Variants in RBFOX1 observed in about 807,000 individuals in gnomAD.
RBFOX1 encodes RNA binding protein fox-1 homolog 1.
Under a neutral mutation model 57.7 loss-of-function variants are expected in RBFOX1, and 8 were observed. That is an observed-to-expected ratio of 0.14 (90% CI 0.08 to 0.25). The LOEUF is 0.25. RBFOX1 is among the 10% of genes least tolerant of loss of function. The probability of loss-of-function intolerance (pLI) is 1.00; values close to 1 mark genes in which losing one functional copy is unlikely to be tolerated. For missense variants in RBFOX1, 611 were observed against 548.5 expected, an observed-to-expected ratio of 1.11 and a Z score of -1.14; for synonymous variants, 326 against 222.4, an observed-to-expected ratio of 1.47 and a Z score of -4.15.
chr16:6,840,732 C>T (rs553256213), intron 3 of RBFOX1, among the ~76,000 whole-genome samples: 1 of 151,620 alleles, frequency 6.6e-6, no homozygotes, highest in South Asian at 2.1e-4. Flanking sequence ...ACTACAAATA[C>T]AAAAATTAGA....
chr16:6,918,313 G>A lies in RBFOX1; in HGVS notation c.-15-133744G>A, dbSNP rs866841300. On this transcript the variant is annotated intron_variant, in intron 3 of 15. Coordinates refer to ENST00000550418, the MANE Select transcript of RBFOX1 (RefSeq NM_018723.4). ...AAAAAAAAAGGAAACACACATTTGG[G>A]GACTCCACCCCAGGCCTACCGAATC... is the stretch of plus-strand genomic sequence containing the variant. Among the ~76,000 whole-genome samples the A allele has an allele frequency of 1.0e-3, 155 of 151,822 alleles. 1 individual carries two copies. Among genetic ancestry groups the A allele is most frequent in the Admixed American group, 7.9e-4 (12 of 15,232 alleles).
At chr16:7,555,224 C>T (rs1393083835) in intron 5 of RBFOX1, among the ~76,000 whole-genome samples, 1 of 152,116 alleles carries the variant, frequency 6.6e-6, no homozygotes, top group Non-Finnish European at 1.5e-5. Context: ...TCACTTTTCT[C>T]CTTTGTTAAA....
chr16:6,410,455 G>C (rs1382193554), intron 2 of RBFOX1, among the ~76,000 whole-genome samples: 7 of 151,822 alleles, frequency 4.6e-5, no homozygotes, highest in African/African-American at 1.7e-4. Context: ...GGGACTACAG[G>C]CGCCTGCCAC....
At chr16:6,995,011 G>A (rs1209468483) in intron 3 of RBFOX1, among the ~76,000 whole-genome samples, 2 of 150,782 alleles carry the variant, frequency 1.3e-5, no homozygotes, top group Non-Finnish European at 3.0e-5. Context: ...GCATACGTGT[G>A]TATATGGATA....
rs543124800 is a variant in RBFOX1, at chr16:7,056,003, C to G, written c.27+3905C>G. ...TCTTCCATCCTAACCTATATCCTAA[C>G]TTTTCTACCCATCTTGGCATTGTCT... On this transcript the variant is annotated intron_variant, in intron 4 of 15. Transcript: ENST00000550418. Among the ~76,000 whole-genome samples, 9 of 152,308 alleles carry G rather than the reference C, an allele frequency of 5.9e-5. No individual in the cohort carries two copies. In the South Asian group the frequency reaches 1.9e-3, roughly 32 times the overall value.
intron 1 of RBFOX1, among the ~76,000 whole-genome samples, chr16:6,281,713 T>C (rs970269768): frequency 6.6e-6 from 1 of 152,150 alleles, no homozygotes; most frequent in African/African-American, 2.4e-5. Context: ...ACATTAACAG[T>C]TGAATTTTCA....
intron 2 of RBFOX1, among the ~76,000 whole-genome samples, chr16:6,548,027 G>C (rs1415673643): frequency 1.3e-5 from 2 of 152,104 alleles, no homozygotes; most frequent in African/African-American, 4.8e-5. Flanking sequence ...TTTTCTTATT[G>C]ACAAGCTCAG....
intron 1 of RBFOX1, among the ~76,000 whole-genome samples, chr16:5,261,768 T>G (rs1247418192): frequency 6.6e-6 from 1 of 152,116 alleles, no homozygotes; most frequent in Non-Finnish European, 1.5e-5. Flanking sequence ...GCCAGGATGG[T>G]CTCGATCTCC....
chr16:6,998,445 G>C (rs1471605967), intron 3 of RBFOX1, among the ~76,000 whole-genome samples: 18 of 152,134 alleles, frequency 1.2e-4, no homozygotes, highest in Admixed American at 1.2e-3. Flanking sequence ...TGGGGATGGG[G>C]GCAGTTGTGT....
chr16:7,623,671 G>A (rs1222602079), intron 10 of RBFOX1, among the ~76,000 whole-genome samples: 2 of 152,136 alleles, frequency 1.3e-5, no homozygotes, highest in African/African-American at 4.8e-5. Flanking sequence ...AGGGTCCGTG[G>A]CCCAGGGGTT....
intron 3 of RBFOX1, among the ~76,000 whole-genome samples, chr16:5,754,393 G>A (rs2053324875): frequency 6.6e-6 from 1 of 152,062 alleles, no homozygotes. Context: ...ATTGATGTGG[G>A]GGTGGGTTGC....
At chr16:6,498,007 G>A (rs2095818879) in intron 2 of RBFOX1, among the ~76,000 whole-genome samples, 1 of 152,064 alleles carries the variant, frequency 6.6e-6, no homozygotes, top group African/African-American at 2.4e-5. Context: ...CCAACACTTT[G>A]GGAGGCTGAG....
At chr16:7,113,782 T>C (rs1412763417) in intron 4 of RBFOX1, among the ~76,000 whole-genome samples, 1 of 152,156 alleles carries the variant, frequency 6.6e-6, no homozygotes, top group African/African-American at 2.4e-5. Context: ...TGCTCCCTTA[T>C]TGATGATGGG....
chr16:7,037,472 A>T (rs13329707), intron 3 of RBFOX1, among the ~76,000 whole-genome samples: 2 of 151,872 alleles, frequency 1.3e-5, no homozygotes, highest in Non-Finnish European at 2.9e-5. Context: ...ACCTCTGACA[A>T]TTGTGATGCT....
chr16:5,692,165 CTGTGTGTGTGTGTGTG>C (rs199585814), intron 3 of RBFOX1, among the ~76,000 whole-genome samples: 347 of 22,922 alleles, frequency 0.015, 2 homozygotes, highest in African/African-American at 0.018. Flanking sequence ...TAGGGACTGA[CTGTGTGTGTGTGTGTG>C]TGTGTGTGTG....
intron 3 of RBFOX1, among the ~76,000 whole-genome samples, chr16:6,878,381 G>T (rs180840071): frequency 2.6e-5 from 4 of 152,244 alleles, no homozygotes; most frequent in Admixed American, 2.6e-4. Flanking sequence ...TCTCTGATAT[G>T]GTGGCTAGAA....
Position 6,005,623 on chromosome 16 carries a change from C to A in RBFOX1, c.351+138288C>A, listed in dbSNP as rs538544110. On this transcript the variant is annotated intron_variant, in intron 4 of 19. Coordinates refer to the RBFOX1 transcript ENST00000641259. ...AAACAGCCTCCCTGGCCTCTACCCA[C>A]TGGATACCACAAGCATCCCTTCTCC... 8.2e-4 allele frequency among the ~76,000 whole-genome samples: 125 copies of A among 152,324 alleles called. 1 individual carries two copies. Among genetic ancestry groups the A allele is most frequent in the African/African-American group, 3.0e-3 (123 of 41,584 alleles).
chr16:5,924,322 T>C (rs1458663215), intron 4 of RBFOX1, among the ~76,000 whole-genome samples: 1 of 152,170 alleles, frequency 6.6e-6, no homozygotes, highest in African/African-American at 2.4e-5. Context: ...GTTTAACCCC[T>C]CCAAACCTCA....
At chr16:5,842,122 T>C (rs190738603) in intron 3 of RBFOX1, among the ~76,000 whole-genome samples, 32 of 151,672 alleles carry the variant, frequency 2.1e-4, no homozygotes, top group African/African-American at 7.0e-4. Context: ...CCTGGAAGAG[T>C]GAGAAGGAAA....
Sources: allele counts gnomAD v4.1 joint callset (sites outside exome capture counted in the v4.1 genomes callset), GRCh38; gene constraint gnomAD v4.1.1; transcripts MANE v1.5; gene names NCBI Gene and HGNC (gene_info 2026-07-23, HGNC 2026-07-21).